CAMK4: variants seen among roughly 807,000 people sequenced by gnomAD.
CAMK4 encodes the protein calcium/calmodulin-dependent protein kinase type IV.
A neutral mutation model predicts 44.9 loss-of-function variants in CAMK4; 22 were observed. The observed-to-expected ratio is 0.49, with a 90% CI of 0.35 to 0.70. The LOEUF (loss-of-function observed/expected upper bound fraction) is 0.70, where lower values mean the gene tolerates loss of function less well. Ranked by LOEUF, CAMK4 falls within the 30% of genes least tolerant of loss-of-function variation. CAMK4 has a pLI of 0.01. For synonymous variants in CAMK4, 218 were observed against 215.4 expected, an observed-to-expected ratio of 1.01 and a Z score of -0.11; for missense variants, 498 against 586.8, an observed-to-expected ratio of 0.85 and a Z score of 1.56.
chr5:111,235,364 A>C (rs150770542), intron 1 of CAMK4, among the ~76,000 whole-genome samples: 47 of 152,284 alleles, frequency 3.1e-4, no homozygotes, highest in Non-Finnish European at 5.6e-4. Context: ...GACCAAATTC[A>C]AAATATGTAA....
intron 1 of CAMK4, among the ~76,000 whole-genome samples, chr5:111,318,727 G>C (rs919200938): frequency 3.3e-5 from 5 of 152,138 alleles, no homozygotes; most frequent in Admixed American, 6.6e-5. Context: ...AATAAAGACA[G>C]AATTGGCTAT....
Position 111,443,243 on chromosome 5 carries a change from C to CATAT in CAMK4, c.460-3409_460-3406dup, listed in dbSNP as rs1232548245. Among the ~76,000 whole-genome samples the CATAT allele has an allele frequency of 3.3e-3, 239 of 72,180 alleles. 2 individuals carry two copies. The highest frequency in any genetic ancestry group is 4.6e-3 in the Admixed American group (23 of 4,986). The allele number at this position is 72,180 out of a possible 152,430, so 47.4% of individuals were successfully genotyped here. A position where few individuals can be genotyped will look rare whatever the true frequency, so the allele number is the denominator to read the frequency against. ...GATATATTTAAATGCCTCCCCCTACCATATATATATATATATATATATATA... is the reference window on the plus strand; with the variant it reads ...GATATATTTAAATGCCTCCCCCTACCATATATATATATATATATATATATATATA... On this transcript the variant is annotated intron_variant, in intron 5 of 10. Transcript: ENST00000282356.
rs1365740323 is a variant in CAMK4, at chr5:111,482,128, A to G, written c.829-657A>G. The G allele has an allele frequency of 6.6e-6, 1 of 152,122 alleles. No homozygotes were observed. The highest frequency in any genetic ancestry group is 1.5e-5 in the Non-Finnish European group (1 of 68,034). 9.4% of individuals were successfully genotyped at this position (152,122 alleles called of 1,614,324 possible). A position where few individuals can be genotyped will look rare whatever the true frequency, so the allele number is the denominator to read the frequency against. The stretch of plus-strand genomic sequence containing the variant: ...CTTCCTGGGAATTTATTGACTGCCC[A>G]TCCTCACAAGCAGGGGTAAACCTCC... On this transcript the variant is annotated intron_variant, in intron 9 of 10. Coordinates refer to ENST00000282356, the MANE Select transcript of CAMK4 (RefSeq NM_001744.6). This position sits in a 1 kb window ranked among gnomAD's most constrained non-coding sequence, Gnocchi z 4.9.
intron 1 of CAMK4, among the ~76,000 whole-genome samples, chr5:111,297,785 A>G (rs1218306169): frequency 6.6e-6 from 1 of 152,186 alleles, no homozygotes; most frequent in East Asian, 1.9e-4. Context: ...TACTGGTACT[A>G]ATTCCTCTAG....
At chr5:111,279,060 C>G (rs1267130927) in intron 1 of CAMK4, among the ~76,000 whole-genome samples, 2 of 152,108 alleles carry the variant, frequency 1.3e-5, no homozygotes, top group Admixed American at 1.3e-4. Flanking sequence ...GAGTGGCAAC[C>G]CTTGGAATTT....
intron 1 of CAMK4, among the ~76,000 whole-genome samples, chr5:111,297,734 C>G (rs1200557192): frequency 6.6e-6 from 1 of 152,072 alleles, no homozygotes; most frequent in Non-Finnish European, 1.5e-5. Flanking sequence ...CCCGTTGTAC[C>G]AATACAAATA....
At chr5:111,282,671 A>T (rs1290178142) in intron 1 of CAMK4, among the ~76,000 whole-genome samples, 1 of 152,242 alleles carries the variant, frequency 6.6e-6, no homozygotes, top group Non-Finnish European at 1.5e-5. Flanking sequence ...TCCTATATAA[A>T]TAAGATCACA....
chr5:111,410,726 A>C (rs771831734), intron 5 of CAMK4, among the ~76,000 whole-genome samples: 1 of 152,174 alleles, frequency 6.6e-6, no homozygotes, highest in Non-Finnish European at 1.5e-5. Context: ...GTAATGGCTA[A>C]TTCAGGAGGG....
chr5:111,281,445 C>A (rs1401148724), intron 1 of CAMK4, among the ~76,000 whole-genome samples: 1 of 152,160 alleles, frequency 6.6e-6, no homozygotes, highest in Non-Finnish European at 1.5e-5. Flanking sequence ...CATCCCCTCT[C>A]CCTTAATCTA....
chr5:111,449,965 AAAGAC>A (rs1754169006), intron 7 of CAMK4: 1 of 152,214 alleles, frequency 6.6e-6, no homozygotes, highest in African/African-American at 2.4e-5. Context: ...TATAAAGAAA[AAAGAC>A]AAGATTTCAA....
intron 1 of CAMK4, among the ~76,000 whole-genome samples, chr5:111,253,268 G>A (rs762029275): frequency 1.4e-4 from 21 of 152,230 alleles, no homozygotes; most frequent in Admixed American, 2.6e-4. Flanking sequence ...AAGGACCTTC[G>A]GGTTCTGGCA....
At chr5:111,426,874 C>G (rs1444158557) in intron 5 of CAMK4, among the ~76,000 whole-genome samples, 1 of 152,212 alleles carries the variant, frequency 6.6e-6, no homozygotes, top group Admixed American at 6.5e-5. Flanking sequence ...AACCTCATCA[C>G]CCTGGGCTAC....
chr5:111,297,785 A>C (rs1218306169), intron 1 of CAMK4, among the ~76,000 whole-genome samples: 1 of 152,186 alleles, frequency 6.6e-6, no homozygotes, highest in African/African-American at 2.4e-5. Flanking sequence ...TACTGGTACT[A>C]ATTCCTCTAG....
chr5:111,246,275 C>A (rs1749235642), intron 1 of CAMK4, among the ~76,000 whole-genome samples: 1 of 152,210 alleles, frequency 6.6e-6, no homozygotes. Context: ...CTGCCCTGCC[C>A]AGTCTGTCTA....
chr5:111,332,186 C>T (rs371071964), intron 1 of CAMK4, among the ~76,000 whole-genome samples: 112 of 150,182 alleles, frequency 7.5e-4, no homozygotes, highest in African/African-American at 2.6e-3. Flanking sequence ...CCCATTAACT[C>T]GTCATTTAGC....
intron 1 of CAMK4, among the ~76,000 whole-genome samples, chr5:111,323,223 AAG>A (rs1328047484): frequency 1.3e-5 from 2 of 152,200 alleles, no homozygotes; most frequent in South Asian, 2.1e-4. Flanking sequence ...ACCAAAGATA[AAG>A]AGAAAATCTT....
chr5:111,470,969 C>T (rs533258773), intron 7 of CAMK4, among the ~76,000 whole-genome samples: 37 of 152,360 alleles, frequency 2.4e-4, no homozygotes, highest in African/African-American at 7.9e-4. Flanking sequence ...AAACCATTGC[C>T]ATGACACTTG....
chr5:111,355,486 T>TTTTTTTTATTTA (rs1750301349), intron 2 of CAMK4, among the ~76,000 whole-genome samples: 1 of 146,822 alleles, frequency 6.8e-6, no homozygotes, highest in African/African-American at 2.5e-5. Flanking sequence ...TCTGCATTCT[T>TTTTTTTTATTTA]TTTATTTATT....
At chr5:111,439,441 C>G (rs527938911) in intron 5 of CAMK4, among the ~76,000 whole-genome samples, 26 of 152,230 alleles carry the variant, frequency 1.7e-4, no homozygotes, top group African/African-American at 4.8e-4. Flanking sequence ...CACATCAACA[C>G]AGATTGGGTG....
Sources: gnomAD v4.1 joint callset for allele counts (sites outside exome capture counted in the v4.1 genomes callset) on GRCh38, gnomAD v4.1.1 for gene constraint, Gnocchi (gnomAD v3.1) non-coding constraint, MANE v1.5 for transcripts, NCBI Gene and HGNC (gene_info 2026-07-23, HGNC 2026-07-21) for gene names.